The following CNPY3 variants were observed in gnomAD, a reference collection of about 807,000 sequenced individuals.
CNPY3 encodes the protein protein canopy homolog 3.
In CNPY3, 20 loss-of-function variants were observed where a neutral mutation model predicts 32.0. That is an observed-to-expected ratio of 0.63 (90% confidence interval 0.44 to 0.91). CNPY3 has a LOEUF of 0.91. Among genes scored for constraint, CNPY3 ranks in the 40% least tolerant of loss-of-function variants. The pLI, the probability that CNPY3 is intolerant of heterozygous loss-of-function variation, is 0.00. For synonymous variants in CNPY3, 138 were observed against 142.9 expected, an observed-to-expected ratio of 0.97 and a Z score of 0.24; for missense variants, 299 against 340.8, an observed-to-expected ratio of 0.88 and a Z score of 0.97.
intron 3 of CNPY3, 104 bp from the exon 4 acceptor site, chr6:42,937,613 C>A: frequency 8.4e-7 from 1 of 1,187,290 alleles, no homozygotes; most frequent in Non-Finnish European, 1.2e-6. Context: ...CCTTAGAGGG[C>A]GTTGAGCATT....
intron 3 of CNPY3, among the ~76,000 whole-genome samples, chr6:42,936,701 A>G (rs1425875986): frequency 6.6e-6 from 1 of 151,990 alleles, no homozygotes; most frequent in East Asian, 1.9e-4. Flanking sequence ...ACGCCCGACT[A>G]ATTTTTGTGT....
intron 1 of CNPY3, among the ~76,000 whole-genome samples, chr6:42,932,012 C>T (rs749074473): frequency 6.6e-5 from 10 of 152,214 alleles, no homozygotes; most frequent in East Asian, 5.8e-4. Context: ...CATGAGCCTC[C>T]GTGCCCAGCC....
intron 1 of CNPY3, 118 bp downstream of exon 1, chr6:42,929,839 T>A: frequency 8.4e-7 from 1 of 1,194,906 alleles, no homozygotes; most frequent in Non-Finnish European, 1.1e-6. Context: ...TCTTCCTTCC[T>A]TGAACAGGCT....
intron 3 of CNPY3, among the ~76,000 whole-genome samples, chr6:42,936,581 G>A (rs1768249938): frequency 6.6e-6 from 1 of 152,188 alleles, no homozygotes; most frequent in Non-Finnish European, 1.5e-5. Context: ...TGTTGCCCAA[G>A]CTGGAGCGCA....
chr6:42,938,062 T>C, intron 4 of CNPY3, 28 bp from the exon 5 acceptor site: 1 of 1,593,182 alleles, frequency 6.3e-7, no homozygotes, highest in Non-Finnish European at 8.6e-7. Context: ...GCTGGGGCTT[T>C]GCCAATATGA....
chr6:42,934,649 C>T (rs1165859737), intron 2 of CNPY3, 51 bp downstream of exon 2: 1 of 1,609,202 alleles, frequency 6.2e-7, no homozygotes, highest in Non-Finnish European at 8.5e-7. Context: ...CTGGAGGCTT[C>T]AGGGGTTTGG....
In CNPY3 at chr6:42,929,538, C is replaced by A; in HGVS notation, c.-33C>A. 1 of 1,537,860 alleles carries A rather than the reference C, an allele frequency of 6.5e-7. No individual in the cohort carries two copies. Among genetic ancestry groups the A allele is most frequent in the Non-Finnish European group, 8.8e-7 (1 of 1,139,472 alleles). The stretch of plus-strand genomic sequence containing the variant: ...GCGCGCGCCGCGGGAGGAGGAACCG[C>A]CCGGTCCTTTAGGGTCCGGGCCCGG... On this transcript the variant is annotated 5_prime_UTR_variant, in exon 1 of 6. Coordinates refer to ENST00000372836, the MANE Select transcript of CNPY3 (RefSeq NM_006586.5).
Position 42,938,785 on chromosome 6 carries a change from G to A in CNPY3, c.831G>A (p.Glu277=). ...ASPLTHSPPD[E]L ...CTCTCACACACAGCCCCCCTGATGA[G>A]CTCTGAGCCCACCCAGCATCCTCTG... The change falls in exon 6 of 6, where the codon GAG becomes GAA. Residue 277 remains glutamate, a synonymous_variant. Coordinates refer to ENST00000372836, the MANE Select transcript of CNPY3 (RefSeq NM_006586.5). 6.2e-7 allele frequency: 1 copy of A among 1,600,942 alleles called. No individual in the cohort carries two copies. The highest frequency in any genetic ancestry group is 8.5e-7 in the Non-Finnish European group (1 of 1,171,866).
intron 2 of CNPY3, 143 bp from the exon 3 acceptor site, chr6:42,935,431 C>A: frequency 7.4e-7 from 1 of 1,343,160 alleles, no homozygotes; most frequent in Non-Finnish European, 9.7e-7. Flanking sequence ...TCCCCCAGAC[C>A]AGATGACCTA....
chr6:42,934,604 T>C lies in CNPY3; in HGVS notation c.275+6T>C. On this transcript the variant is annotated splice_donor_region_variant and intron_variant, in intron 2 of 5. Transcript: ENST00000372836. The stretch of plus-strand genomic sequence containing the variant: ...GGAGTCAAATACACCAAGTCGTAAG[T>C]GAATGGGGACTCACTGGCCTGGCCT... The C allele has an allele frequency of 6.2e-7, 1 of 1,613,670 alleles. No homozygotes were observed. The highest frequency in any genetic ancestry group is 2.2e-5 in the East Asian group (1 of 44,880).
chr6:42,933,319 A>G (rs1016685497), intron 1 of CNPY3, among the ~76,000 whole-genome samples: 5 of 152,210 alleles, frequency 3.3e-5, no homozygotes, highest in African/African-American at 9.6e-5. Context: ...TATCTGCTGC[A>G]TTAGACTGAG....
In CNPY3 at chr6:42,931,049, C is replaced by T. The variant is rs148878458; in HGVS notation, c.151+1328C>T. 6.0e-3 allele frequency among the ~76,000 whole-genome samples: 906 copies of T among 151,906 alleles called. 6 individuals carry two copies. Among genetic ancestry groups the T allele is most frequent in the Admixed American group, 9.2e-3 (141 of 15,260 alleles). The stretch of plus-strand genomic sequence containing the variant: ...GGATTACAGGCGCATGCCACCATGC[C>T]CAGCTAATTTTTGTGTTTTTAGTAG... On this transcript the variant is annotated intron_variant, in intron 1 of 5. Coordinates refer to ENST00000372836, the MANE Select transcript of CNPY3 (RefSeq NM_006586.5).
At chr6:42,937,305 G>A (rs1449153235) in intron 3 of CNPY3, among the ~76,000 whole-genome samples, 24 of 151,642 alleles carry the variant, frequency 1.6e-4, no homozygotes, top group Admixed American at 1.3e-3. Context: ...GAAGAGGAAG[G>A]TCAGGTCAAG....
chr6:42,929,253 T>G, upstream of CNPY3: 68 of 269,702 alleles, frequency 2.5e-4, no homozygotes, highest in East Asian at 5.4e-4. Flanking sequence ...AGAGCCTCCG[T>G]TAGGGGGTGG....
intron 2 of CNPY3, 114 bp downstream of exon 2, chr6:42,934,712 A>G: frequency 6.9e-7 from 1 of 1,439,718 alleles, no homozygotes; most frequent in South Asian, 1.3e-5. Context: ...ATTTGTAACC[A>G]AGACCTGAGT....
chr6:42,936,070 C>T (rs1159390245), intron 3 of CNPY3, among the ~76,000 whole-genome samples: 1 of 134,098 alleles, frequency 7.5e-6, no homozygotes, highest in Admixed American at 7.0e-5. Context: ...CACACAGCAC[C>T]TCCCACAACC....
At chr6:42,933,568 T>C (rs1353542128) in intron 1 of CNPY3, among the ~76,000 whole-genome samples, 1 of 152,134 alleles carries the variant, frequency 6.6e-6, no homozygotes, top group Non-Finnish European at 1.5e-5. Context: ...TTGGGGACAA[T>C]TAAGGAAATT....
rs1767605081 is a variant in CNPY3 at position 42,929,570 on chromosome 6, C to A, written c.-1C>A. 3.2e-6 allele frequency: 5 copies of A among 1,574,348 alleles called. No homozygotes were observed. The highest frequency in any genetic ancestry group is 3.4e-6 in the Non-Finnish European group (4 of 1,160,174). Reference sequence around the variant, plus strand: ...CTTTAGGGTCCGGGCCCGGCCGGGCCATGGATTCAATGCCTGAGCCCGCGT... The same window carrying A: ...CTTTAGGGTCCGGGCCCGGCCGGGCAATGGATTCAATGCCTGAGCCCGCGT... On this transcript the variant is annotated 5_prime_UTR_variant, in exon 1 of 6. Transcript: ENST00000372836.
upstream of CNPY3, among the ~76,000 whole-genome samples, chr6:42,928,743 G>A (rs545799735): frequency 2.9e-4 from 44 of 152,280 alleles, no homozygotes; most frequent in Middle Eastern, 3.4e-3. Flanking sequence ...AGTAAAAGGG[G>A]CTGGGATTAC....
Sources: allele counts gnomAD v4.1 joint callset (sites outside exome capture counted in the v4.1 genomes callset), GRCh38; gene constraint gnomAD v4.1.1; transcripts MANE v1.5; gene names NCBI Gene and HGNC (gene_info 2026-07-23, HGNC 2026-07-21).